The following SMAP1 variants were observed in gnomAD, a reference collection of about 807,000 sequenced individuals.
The protein encoded by SMAP1 is small ArfGAP 1, also known as stromal membrane-associated protein 1.
In SMAP1, 24 loss-of-function variants were observed where a neutral mutation model predicts 58.5. The observed-to-expected ratio is 0.41, with a 90% CI of 0.30 to 0.58. The LOEUF (loss-of-function observed/expected upper bound fraction) is 0.58. Ranked by LOEUF, SMAP1 falls within the 20% of genes least tolerant of loss-of-function variation. The probability of loss-of-function intolerance (pLI) is 0.29; values close to 1 mark genes in which losing one functional copy is unlikely to be tolerated. For missense variants in SMAP1, 563 were observed against 566.3 expected, an observed-to-expected ratio of 0.99 and a Z score of 0.06; for synonymous variants, 216 against 196.6, an observed-to-expected ratio of 1.10 and a Z score of -0.82.
intron 5 of SMAP1, among the ~76,000 whole-genome samples, chr6:70,798,190 C>T (rs755822211): frequency 4.0e-5 from 6 of 151,264 alleles, no homozygotes; most frequent in Non-Finnish European, 7.4e-5. Context: ...ATAAAAAAAG[C>T]TGATTTTATA....
intron 3 of SMAP1, among the ~76,000 whole-genome samples, chr6:70,764,697 G>C (rs1437755828): frequency 6.6e-6 from 1 of 152,206 alleles, no homozygotes; most frequent in African/African-American, 2.4e-5. Flanking sequence ...AATGCTCCTA[G>C]TAACCCAAGA....
At chr6:70,851,160 A>G (rs1771170174) in intron 7 of SMAP1, among the ~76,000 whole-genome samples, 1 of 152,186 alleles carries the variant, frequency 6.6e-6, no homozygotes, top group African/African-American at 2.4e-5. Flanking sequence ...CAGTTGAATA[A>G]CTTTCAGATT....
At chr6:70,849,189 A>G (rs1487118727) in intron 7 of SMAP1, among the ~76,000 whole-genome samples, 1 of 152,180 alleles carries the variant, frequency 6.6e-6, no homozygotes, top group African/African-American at 2.4e-5. Context: ...GGGGGTATGA[A>G]AAAGTCTTCC....
intron 6 of SMAP1, among the ~76,000 whole-genome samples, chr6:70,823,459 T>A (rs1247268384): frequency 2.0e-5 from 3 of 152,126 alleles, no homozygotes; most frequent in Non-Finnish European, 2.9e-5. Flanking sequence ...CAGGTCAGGC[T>A]CTGGTAAAAT....
intron 3 of SMAP1, among the ~76,000 whole-genome samples, chr6:70,770,886 A>G (rs1767264325): frequency 2.0e-5 from 3 of 151,896 alleles, no homozygotes; most frequent in South Asian, 4.2e-4. Context: ...GGTTTTATCT[A>G]CTTTTGGTCT....
chr6:70,840,685 ATT>A (rs1770768635), intron 7 of SMAP1, among the ~76,000 whole-genome samples: 1 of 152,244 alleles, frequency 6.6e-6, no homozygotes, highest in Admixed American at 6.5e-5. Context: ...ATATTTAGAT[ATT>A]AATTTGTGTT....
At chr6:70,819,660 G>A (rs748736946) in intron 6 of SMAP1, among the ~76,000 whole-genome samples, 7 of 152,078 alleles carry the variant, frequency 4.6e-5, no homozygotes, top group Non-Finnish European at 8.8e-5. Context: ...ACTATTTATC[G>A]TAATATAATG....
intron 1 of SMAP1, among the ~76,000 whole-genome samples, chr6:70,726,852 G>A (rs1768807724): frequency 6.7e-6 from 1 of 149,960 alleles, no homozygotes; most frequent in African/African-American, 2.5e-5. Flanking sequence ...TAGTAGTCAT[G>A]TAATATTATA....
At chr6:70,785,656 A>T (rs1016087285) in intron 4 of SMAP1, among the ~76,000 whole-genome samples, 67 of 152,264 alleles carry the variant, frequency 4.4e-4, no homozygotes, top group African/African-American at 1.6e-3. Flanking sequence ...AACTACCATC[A>T]GAGAATACGA....
intron 4 of SMAP1, among the ~76,000 whole-genome samples, chr6:70,783,503 C>T (rs1019378274): frequency 5.9e-5 from 9 of 152,054 alleles, no homozygotes; most frequent in Admixed American, 1.3e-4. Context: ...CAAACTACTC[C>T]GAGCTACGGG....
At chr6:70,767,316 G>A (rs1211370202) in intron 3 of SMAP1, among the ~76,000 whole-genome samples, 1 of 152,034 alleles carries the variant, frequency 6.6e-6, no homozygotes, top group East Asian at 1.9e-4. Flanking sequence ...GGATGGCATT[G>A]AATCTATAAA....
At chr6:70,853,042 T>C (rs1338312725) in intron 8 of SMAP1, among the ~76,000 whole-genome samples, 1 of 152,166 alleles carries the variant, frequency 6.6e-6, no homozygotes, top group East Asian at 1.9e-4. Flanking sequence ...ACCTCAACTT[T>C]CCTGAGATCA....
At chr6:70,724,574 A>G (rs913734094) in intron 1 of SMAP1, among the ~76,000 whole-genome samples, 4 of 152,234 alleles carry the variant, frequency 2.6e-5, no homozygotes, top group African/African-American at 9.6e-5. Context: ...CATTTTAGGA[A>G]ATGATTAATT....
intron 3 of SMAP1, among the ~76,000 whole-genome samples, chr6:70,763,392 T>C (rs1472207779): frequency 6.6e-6 from 1 of 152,178 alleles, no homozygotes; most frequent in Non-Finnish European, 1.5e-5. Flanking sequence ...AAATGCATGT[T>C]TTTAATTAAT....
At chr6:70,738,567 T>C (rs1765704022) in intron 2 of SMAP1, among the ~76,000 whole-genome samples, 1 of 152,162 alleles carries the variant, frequency 6.6e-6, no homozygotes, top group Non-Finnish European at 1.5e-5. Context: ...AATACCTATG[T>C]CATAGTATTG....
chr6:70,836,877 G>T, intron 6 of SMAP1, 64 bp from the exon 7 acceptor site: 3 of 1,297,986 alleles, frequency 2.3e-6, no homozygotes, highest in East Asian at 2.6e-5. Flanking sequence ...GTAATTAATT[G>T]GGGCTTAAAA....
chr6:70,669,209 C>T (rs1766163499), intron 1 of SMAP1, among the ~76,000 whole-genome samples: 1 of 151,978 alleles, frequency 6.6e-6, no homozygotes, highest in Non-Finnish European at 1.5e-5. Flanking sequence ...GGGTAGTTCT[C>T]TAAAGCAGGA....
chr6:70,765,752 A>T (rs1365249690), intron 3 of SMAP1, among the ~76,000 whole-genome samples: 2 of 151,052 alleles, frequency 1.3e-5, no homozygotes. Flanking sequence ...TTTTTATTTT[A>T]TTATTATTTT....
At chr6:70,793,673 A>AGAGAGAGAG (rs1768467436) in intron 5 of SMAP1, among the ~76,000 whole-genome samples, 22 of 149,572 alleles carry the variant, frequency 1.5e-4, no homozygotes, top group Non-Finnish European at 1.9e-4. Flanking sequence ...AGAGAGAGAG[A>AGAGAGAGAG]AAGCTTAAAA....
Sources: gnomAD v4.1 joint callset for allele counts (sites outside exome capture counted in the v4.1 genomes callset) on GRCh38, gnomAD v4.1.1 for gene constraint, MANE v1.5 for transcripts, NCBI Gene and HGNC (gene_info 2026-07-23, HGNC 2026-07-21) for gene names.